The following GATA4 variants were observed in gnomAD, a reference collection of about 807,000 sequenced individuals.
GATA4 encodes transcription factor GATA-4.
A neutral mutation model predicts 37.9 loss-of-function variants in GATA4; 7 were observed. The ratio of observed to expected loss-of-function variants is 0.18; its 90% CI spans 0.11 to 0.35. GATA4 has a LOEUF of 0.35. Among genes scored for constraint, GATA4 ranks in the 10% least tolerant of loss-of-function variants. The pLI is 1.00. For synonymous variants in GATA4, 372 were observed against 292.6 expected (o/e 1.27, Z -2.77); for missense variants, 647 against 653.0 (o/e 0.99, Z 0.10).
intron 2 of GATA4, among the ~76,000 whole-genome samples, chr8:11,732,214 C>G (rs976650794): frequency 3.3e-5 from 5 of 152,206 alleles, no homozygotes; most frequent in African/African-American, 1.2e-4. Flanking sequence ...TAATAAAAGA[C>G]TGTAGATTTT....
Position 11,753,203 on chromosome 8 carries a change from C to T in GATA4, c.913-1843C>T, listed in dbSNP as rs76500994. 6.7e-3 allele frequency among the ~76,000 whole-genome samples: 1,016 copies of T among 152,204 alleles called. 15 individuals are homozygous for T. Among genetic ancestry groups the T allele is most frequent in the African/African-American group, 0.023 (963 of 41,514 alleles). On this transcript the variant is annotated intron_variant, in intron 4 of 6. Coordinates refer to ENST00000532059, the MANE Select transcript of GATA4 (RefSeq NM_001308093.3). The stretch of plus-strand genomic sequence containing the variant: ...GGATAAACACAGTGTGATATACATA[C>T]ACGTAGGATATTACTCAGCCTTTAA...
At chr8:11,732,880 G>A (rs1801277317) in intron 2 of GATA4, among the ~76,000 whole-genome samples, 1 of 152,088 alleles carries the variant, frequency 6.6e-6, no homozygotes, top group Admixed American at 6.6e-5. Flanking sequence ...TATAAATCCA[G>A]ACCACATGGA....
At chr8:11,719,978 C>A (rs1449211459) in intron 2 of GATA4, among the ~76,000 whole-genome samples, 11 of 152,092 alleles carry the variant, frequency 7.2e-5, no homozygotes. Flanking sequence ...TTTACTAGGC[C>A]TCACTGGGGA....
At chr8:11,744,464 G>A (rs1464464962) in intron 2 of GATA4, among the ~76,000 whole-genome samples, 2 of 152,220 alleles carry the variant, frequency 1.3e-5, no homozygotes, top group East Asian at 1.9e-4. Context: ...GGCCACAGCT[G>A]TGCCCCCTGG....
intron 2 of GATA4, among the ~76,000 whole-genome samples, chr8:11,712,863 A>AAAAAAG (rs1191356082): frequency 6.6e-6 from 1 of 152,166 alleles, no homozygotes; most frequent in African/African-American, 2.4e-5. Flanking sequence ...CCCTGTCTCA[A>AAAAAAG]AAAAAGAAAA....
chr8:11,756,716 G>T lies in GATA4; in HGVS notation c.1001-219G>T, dbSNP rs4841588. The T allele has an allele frequency of 0.21, 127,387 of 612,510 alleles. 18,838 individuals are homozygous for T. Among genetic ancestry groups the T allele is most frequent in the East Asian group, 0.66 (23,913 of 36,104 alleles). 37.9% of individuals were successfully genotyped at this position (612,510 alleles called of 1,614,324 possible). A position where few individuals can be genotyped will look rare whatever the true frequency, so the allele number is the denominator to read the frequency against. On this transcript the variant is annotated intron_variant, in intron 5 of 6. Coordinates refer to ENST00000532059, the MANE Select transcript of GATA4 (RefSeq NM_001308093.3). ...GAATCTTTTTTTAAAAAGTTTTGAA[G>T]CCTGAAACACACGTGGCCTCAAGGG...
At chr8:11,705,226 G>C (rs77212080) in intron 1 of GATA4, among the ~76,000 whole-genome samples, 2,262 of 152,360 alleles carry the variant, frequency 0.015, 46 homozygotes, top group East Asian at 0.059. Context: ...TGTTTCCTGT[G>C]TTCCCAGAAA....
rs2130309563 is a variant in GATA4 at position 11,749,477 on chromosome 8, C to A, written c.786+392C>A. Among the ~76,000 whole-genome samples the A allele has an allele frequency of 6.6e-6, 1 of 152,326 alleles. No homozygotes were observed. Among genetic ancestry groups the A allele is most frequent in the Middle Eastern group, 3.4e-3 (1 of 294 alleles). On this transcript the variant is annotated intron_variant, in intron 3 of 6. Transcript: ENST00000532059. The surrounding 1 kb of genome is among the most constrained non-coding windows in gnomAD (Gnocchi z 4.6). The stretch of plus-strand genomic sequence containing the variant: ...AGGTCACCTCAGAGGCTGGTCTCTA[C>A]CCTGACCTCAGTTGATCAGTTGATA...
chr8:11,742,419 T>C (rs1250767876), intron 2 of GATA4, among the ~76,000 whole-genome samples: 2 of 147,228 alleles, frequency 1.4e-5, no homozygotes, highest in African/African-American at 4.9e-5. Flanking sequence ...CCTTTCACAA[T>C]GTCCTTGCCT....
chr8:11,723,226 A>G (rs1381781767), intron 2 of GATA4, among the ~76,000 whole-genome samples: 1 of 151,996 alleles, frequency 6.6e-6, no homozygotes, highest in Non-Finnish European at 1.5e-5. Context: ...GGGTGGTGGC[A>G]TGTGCCTGTA....
intron 2 of GATA4, among the ~76,000 whole-genome samples, chr8:11,728,336 A>T (rs1801037902): frequency 6.6e-6 from 1 of 152,216 alleles, no homozygotes; most frequent in Admixed American, 6.5e-5. Flanking sequence ...TTATCATTAA[A>T]GGAAATATTG....
At chr8:11,705,863 G>A (rs949470532) in intron 1 of GATA4, 18 of 152,286 alleles carry the variant, frequency 1.2e-4, no homozygotes, top group African/African-American at 4.1e-4. Flanking sequence ...CTACCTGTGT[G>A]TATACTGGAA....
chr8:11,688,645 G>A (rs897950439), upstream of GATA4, among the ~76,000 whole-genome samples: 4 of 152,226 alleles, frequency 2.6e-5, no homozygotes, highest in East Asian at 1.9e-4. Flanking sequence ...GGACAGGAGG[G>A]AATGGAAAGA....
chr8:11,706,345 A>G (rs942774461), intron 1 of GATA4, among the ~76,000 whole-genome samples: 1 of 152,222 alleles, frequency 6.6e-6, no homozygotes, highest in African/African-American at 2.4e-5. Flanking sequence ...TATAGTATAT[A>G]CATTTGAGGT....
intron 2 of GATA4, among the ~76,000 whole-genome samples, chr8:11,711,354 G>A (rs1374969155): frequency 6.6e-6 from 1 of 152,158 alleles, no homozygotes; most frequent in Admixed American, 6.5e-5. Context: ...TTTCTCTTCT[G>A]CACCCAGCCA....
chr8:11,715,823 A>G (rs748747139), intron 2 of GATA4, among the ~76,000 whole-genome samples: 11 of 152,154 alleles, frequency 7.2e-5, no homozygotes, highest in Non-Finnish European at 1.2e-4. Flanking sequence ...ATTGCTGTGT[A>G]TCAGATCTTT....
At chr8:11,700,916 A>G (rs2130022051), upstream of GATA4, 1 of 152,298 alleles carries the variant, frequency 6.6e-6, no homozygotes, top group Non-Finnish European at 1.5e-5. Context: ...CTTGGTTTAA[A>G]ACAAACTTGG....
intron 2 of GATA4, among the ~76,000 whole-genome samples, chr8:11,734,039 G>T (rs1205113192): frequency 2.6e-5 from 4 of 152,216 alleles, no homozygotes; most frequent in African/African-American, 7.2e-5. Context: ...ACTTGCAGCT[G>T]ACATGTAATG....
At chr8:11,697,959 T>C in intron 1 of GATA4, 1 of 985,410 alleles carries the variant, frequency 1.0e-6, no homozygotes, top group Non-Finnish European at 1.2e-6. Context: ...CTGGCGGCGC[T>C]CCAGCCGCGG....
Sources: gnomAD v4.1 joint callset for allele counts (sites outside exome capture counted in the v4.1 genomes callset) on GRCh38, gnomAD v4.1.1 for gene constraint, Gnocchi (gnomAD v3.1) non-coding constraint, MANE v1.5 for transcripts, NCBI Gene and HGNC (gene_info 2026-07-23, HGNC 2026-07-21) for gene names.